LRRC74A: variants seen among roughly 807,000 people sequenced by gnomAD.
The protein encoded by LRRC74A is leucine-rich repeat-containing protein 74A.
LRRC74A carries 44 observed loss-of-function variants against 57.9 expected under a neutral mutation model. That is an observed-to-expected ratio of 0.76 (90% CI 0.60 to 0.98). The LOEUF (loss-of-function observed/expected upper bound fraction) is 0.98, where lower values mean the gene tolerates loss of function less well. LRRC74A is among the 50% of genes least tolerant of loss of function. LRRC74A has a pLI of 0.00. For synonymous variants in LRRC74A, 211 were observed against 219.4 expected (o/e 0.96, Z 0.34); for missense variants, 572 against 574.0 (o/e 1.00, Z 0.04).
chr14:76,854,321 G>C (rs1245789815), intron 9 of LRRC74A, among the ~76,000 whole-genome samples: 1 of 152,218 alleles, frequency 6.6e-6, no homozygotes, highest in Non-Finnish European at 1.5e-5. Flanking sequence ...TGAAGACTGT[G>C]TTTGGGCCAG....
At chr14:76,839,215 T>C (rs898531304) in intron 5 of LRRC74A, among the ~76,000 whole-genome samples, 25 of 152,238 alleles carry the variant, frequency 1.6e-4, no homozygotes, top group Non-Finnish European at 2.8e-4. Context: ...AGGAGCACAA[T>C]TACTGAATAT....
chr14:76,864,107 A>T (rs921161563), intron 11 of LRRC74A, among the ~76,000 whole-genome samples: 1 of 152,222 alleles, frequency 6.6e-6, no homozygotes, highest in Non-Finnish European at 1.5e-5. Context: ...GGGCTCACCC[A>T]TGGCATCTGC....
At chr14:76,832,758 G>C (rs955018445) in intron 3 of LRRC74A, among the ~76,000 whole-genome samples, 3 of 152,192 alleles carry the variant, frequency 2.0e-5, no homozygotes, top group Non-Finnish European at 4.4e-5. Context: ...CAGACCAGCT[G>C]ATGTCAGTAG....
chr14:76,827,139 A>G (rs1177888117), intron 1 of LRRC74A, among the ~76,000 whole-genome samples: 1 of 152,176 alleles, frequency 6.6e-6, no homozygotes, highest in Non-Finnish European at 1.5e-5. Context: ...GGAATTCTAA[A>G]TTGTTTGACA....
intron 1 of LRRC74A, 80 bp downstream of exon 1, chr14:76,826,814 A>G (rs1035944248): frequency 1.7e-5 from 16 of 969,098 alleles, no homozygotes; most frequent in Non-Finnish European, 2.4e-5. Flanking sequence ...CAGGACCCTG[A>G]AGCCCACTTC....
At chr14:76,830,388 C>T (rs901106512) in intron 2 of LRRC74A, among the ~76,000 whole-genome samples, 3 of 152,336 alleles carry the variant, frequency 2.0e-5, no homozygotes, top group Middle Eastern at 3.4e-3. Context: ...CAGGGAGGCC[C>T]GATGCCCAGT....
intron 4 of LRRC74A, 124 bp from the exon 5 acceptor site, chr14:76,837,751 T>C: frequency 1.8e-6 from 1 of 569,090 alleles, no homozygotes; most frequent in East Asian, 3.1e-5. Context: ...ATCCTCCTAA[T>C]CCTTTCCCAC....
intron 7 of LRRC74A, among the ~76,000 whole-genome samples, chr14:76,850,682 C>A (rs1230539535): frequency 6.6e-6 from 1 of 151,944 alleles, no homozygotes; most frequent in African/African-American, 2.4e-5. Flanking sequence ...GCCTGACCAA[C>A]ATGATGAAAC....
chr14:76,853,434 T>TGTGTGTGTGTGTGC, intron 9 of LRRC74A, 24 bp downstream of exon 9: 1 of 880,300 alleles, frequency 1.1e-6, no homozygotes, highest in Admixed American at 3.9e-5. Flanking sequence ...GGAAAGGGTG[T>TGTGTGTGTGTGTGC]GTGTGTGTGT....
intron 3 of LRRC74A, among the ~76,000 whole-genome samples, chr14:76,833,566 C>T (rs55910820): frequency 1.3e-5 from 2 of 150,932 alleles, no homozygotes; most frequent in African/African-American, 4.9e-5. Flanking sequence ...CTCAGCCTCC[C>T]GAGTAGCTGG....
intron 5 of LRRC74A, among the ~76,000 whole-genome samples, chr14:76,840,832 C>T (rs907579196): frequency 7.2e-5 from 11 of 152,056 alleles, no homozygotes; most frequent in Non-Finnish European, 1.6e-4. Flanking sequence ...ATCCGCCTGC[C>T]TCGGCCTCCC....
chr14:76,851,081 C>T (rs1897450780), intron 7 of LRRC74A, among the ~76,000 whole-genome samples: 1 of 152,220 alleles, frequency 6.6e-6, no homozygotes, highest in Non-Finnish European at 1.5e-5. Flanking sequence ...TAAGCAAAAT[C>T]ATCTTCAGGT....
chr14:76,853,449 G>GTGTGTGTGTA lies in LRRC74A; in HGVS notation c.957+48_957+49insATGTGTGTGT, dbSNP rs777570081. The GTGTGTGTGTA allele has an allele frequency of 2.5e-5, 36 of 1,458,272 alleles. No individual in the cohort carries two copies. The African/African-American group carries it at 4.7e-4, about 19-fold the overall frequency. 90.3% of individuals were successfully genotyped at this position (1,458,272 alleles called of 1,614,324 possible). Reference sequence around the variant, plus strand: ...GGAAAGGGTGTGTGTGTGTGTGTGTGTGTGTGTGTGTGTTTGTGTATGTGT... The same window carrying GTGTGTGTGTA: ...GGAAAGGGTGTGTGTGTGTGTGTGTGTGTGTGTGTATGTGTGTGTGTGTTTGTGTATGTGT... On this transcript the variant is annotated intron_variant, in intron 9 of 13. Transcript: ENST00000689127.
chr14:76,828,511 A>G, intron 2 of LRRC74A, 92 bp downstream of exon 2: 5 of 1,580,894 alleles, frequency 3.2e-6, no homozygotes, highest in South Asian at 2.2e-5. Context: ...ACTCCTTTCC[A>G]GAGTCTGCCC....
chr14:76,857,452 A>G lies in LRRC74A; in HGVS notation c.1030A>G (p.Arg344Gly). ...ILAIKRNPKS[R>G]MEELDISNVL... is the part of the protein sequence containing the mutation. Reference sequence around the variant, plus strand: ...GGCTATCAAGAGGAACCCCAAATCCAGGATGGAAGAGCTTGATATTTCCGT... The same window carrying G: ...GGCTATCAAGAGGAACCCCAAATCCGGGATGGAAGAGCTTGATATTTCCGT... Residue 344 changes from arginine (R) to glycine (G), a missense_variant, in exon 10 of 14, where the codon AGG becomes GGG. By Grantham distance (125) the Arg-to-Gly change is moderately radical (BLOSUM62 -2). Transcript: ENST00000689127. 6.3e-7 allele frequency: 1 copy of G among 1,581,698 alleles called. No homozygotes were observed.
intron 11 of LRRC74A, 96 bp from the exon 12 acceptor site, chr14:76,865,872 G>T: frequency 5.1e-6 from 5 of 976,878 alleles, no homozygotes; most frequent in Non-Finnish European, 6.3e-6. Flanking sequence ...TGTTAGGCCT[G>T]GAAGCATGGG....
chr14:76,855,180 A>T (rs1408485177), intron 9 of LRRC74A, among the ~76,000 whole-genome samples: 4 of 152,196 alleles, frequency 2.6e-5, no homozygotes, highest in Non-Finnish European at 4.4e-5. Flanking sequence ...AGGCAGAAGG[A>T]GCACAGTGAC....
In LRRC74A at chr14:76,850,551, G is replaced by C. The variant is rs148873614; in HGVS notation, c.677-1814G>C. On this transcript the variant is annotated intron_variant, in intron 7 of 13. Transcript: ENST00000689127. ...GTTGACACAAAGAGAAGCATGATCA[G>C]AACGTAGTGCACTGTCCATGAAAAA... 6.3e-3 allele frequency among the ~76,000 whole-genome samples: 955 copies of C among 152,290 alleles called. 3 individuals carry two copies. Among genetic ancestry groups the C allele is most frequent in the Middle Eastern group, 0.01 (3 of 294 alleles).
chr14:76,828,901 A>G, intron 2 of LRRC74A: 1 of 777,840 alleles, frequency 1.3e-6, no homozygotes, highest in Non-Finnish European at 1.8e-6. Context: ...TCTGTATTCC[A>G]TATCCCAGGC....
Sources: gnomAD v4.1 joint callset for allele counts (sites outside exome capture counted in the v4.1 genomes callset) on GRCh38, gnomAD v4.1.1 for gene constraint, MANE v1.5 for transcripts, NCBI Gene and HGNC (gene_info 2026-07-23, HGNC 2026-07-21) for gene names.